The following ATP8A2 variants were observed in gnomAD, a reference collection of about 807,000 sequenced individuals.
The protein encoded by ATP8A2 is phospholipid-transporting ATPase IB.
In ATP8A2, 100 loss-of-function variants were observed where a neutral mutation model predicts 165.6. The ratio of observed to expected loss-of-function variants is 0.60; its 90% CI spans 0.51 to 0.71. ATP8A2 has a LOEUF of 0.71. Among genes scored for constraint, ATP8A2 ranks in the 30% least tolerant of loss-of-function variants. The probability of loss-of-function intolerance (pLI) is 0.00; values close to 1 mark genes in which losing one functional copy is unlikely to be tolerated. For missense variants in ATP8A2, 1,227 were observed against 1,479.5 expected, an observed-to-expected ratio of 0.83 and a Z score of 2.80; for synonymous variants, 543 against 548.8, an observed-to-expected ratio of 0.99 and a Z score of 0.15.
rs1566338679 is a variant in ATP8A2, at chr13:25,997,692, T to C, written c.3378-14839T>C. Among the ~76,000 whole-genome samples the C allele has an allele frequency of 2.0e-5, 3 of 152,318 alleles. No individual in the cohort carries two copies. In the East Asian group the frequency reaches 5.8e-4, roughly 29 times the overall value. On this transcript the variant is annotated intron_variant, in intron 35 of 36. Coordinates refer to ENST00000381655, the MANE Select transcript of ATP8A2 (RefSeq NM_016529.6). Reference sequence around the variant, plus strand: ...TTTTCAGTTCACTAACGATTTCCTCTGTCCCCTGCATTCTGCTGTTGAGCC... The same window carrying C: ...TTTTCAGTTCACTAACGATTTCCTCCGTCCCCTGCATTCTGCTGTTGAGCC...
At chr13:25,919,530 C>T (rs1954378099) in intron 33 of ATP8A2, among the ~76,000 whole-genome samples, 1 of 151,998 alleles carries the variant, frequency 6.6e-6, no homozygotes, top group Non-Finnish European at 1.5e-5. Context: ...CTGCGGGAGC[C>T]TCAGGATTCT....
At chr13:25,532,374 A>C (rs892118956) in intron 5 of ATP8A2, 57 bp downstream of exon 5, 2 of 1,241,150 alleles carry the variant, frequency 1.6e-6, no homozygotes, top group African/African-American at 3.0e-5. Context: ...TAAGGCCTGC[A>C]TTTAAGGAAT....
chr13:25,829,592 C>T (rs1339056446), intron 28 of ATP8A2, among the ~76,000 whole-genome samples: 4 of 148,334 alleles, frequency 2.7e-5, no homozygotes, highest in Non-Finnish European at 5.9e-5. Context: ...CACACAAACA[C>T]ATGCCACATC....
intron 33 of ATP8A2, among the ~76,000 whole-genome samples, chr13:25,921,580 G>A (rs306411): frequency 0.82 from 123,015 of 149,196 alleles, 50,877 homozygotes; most frequent in East Asian, 0.99. Context: ...CCAAGATTGC[G>A]CCATTGCACT....
intron 1 of ATP8A2, among the ~76,000 whole-genome samples, chr13:25,377,026 C>T (rs2032653901): frequency 6.6e-6 from 1 of 152,232 alleles, no homozygotes; most frequent in East Asian, 1.9e-4. Context: ...CTGCGGACGC[C>T]TTCCGTTGTC....
At position 25,379,914 on chromosome 13, in the gene ATP8A2, C is replaced by T. The variant is rs532954768; in HGVS notation, c.76+7626C>T. 2.0e-5 allele frequency among the ~76,000 whole-genome samples: 3 copies of T among 152,204 alleles called. No individual in the cohort carries two copies. In the East Asian group the frequency reaches 5.8e-4, roughly 29 times the overall value. ...AGCTTGGAAATACATTTATTCAACTCGATTGAACTCTTCTACTGTCTGATT... is the reference window on the plus strand; with the variant it reads ...AGCTTGGAAATACATTTATTCAACTTGATTGAACTCTTCTACTGTCTGATT... On this transcript the variant is annotated intron_variant, in intron 1 of 36. Transcript: ENST00000381655.
At chr13:25,615,133 G>T (rs548153198) in intron 24 of ATP8A2, among the ~76,000 whole-genome samples, 1 of 152,174 alleles carries the variant, frequency 6.6e-6, no homozygotes, top group Non-Finnish European at 1.5e-5. Flanking sequence ...GGCTACCAGG[G>T]TGGGTAGAGA....
intron 1 of ATP8A2, among the ~76,000 whole-genome samples, chr13:25,455,388 C>T (rs1466166590): frequency 6.6e-6 from 1 of 152,210 alleles, no homozygotes; most frequent in African/African-American, 2.4e-5. Flanking sequence ...ATACTTGGCT[C>T]ATTTGTAAGT....
rs534028829 is a variant in ATP8A2 at position 25,497,754 on chromosome 13, A to T, written c.221+28633A>T. ...GGCGGATCATGAGGTCAGGAGATGGAGACCATCTGGCTAATACGGTGAAAC... is the reference window on the plus strand; with the variant it reads ...GGCGGATCATGAGGTCAGGAGATGGTGACCATCTGGCTAATACGGTGAAAC... On this transcript the variant is annotated intron_variant, in intron 2 of 36. Coordinates refer to ENST00000381655, the MANE Select transcript of ATP8A2 (RefSeq NM_016529.6). Among the ~76,000 whole-genome samples the T allele has an allele frequency of 1.4e-3, 207 of 152,154 alleles. 1 individual carries two copies. Among genetic ancestry groups the T allele is most frequent in the African/African-American group, 4.2e-3 (174 of 41,506 alleles).
At chr13:25,611,575 A>G (rs772625328) in intron 24 of ATP8A2, among the ~76,000 whole-genome samples, 5 of 152,110 alleles carry the variant, frequency 3.3e-5, no homozygotes, top group Non-Finnish European at 5.9e-5. Context: ...GTTTGCATCT[A>G]TGTTCATCAG....
Position 25,849,941 on chromosome 13 carries a change from T to C in ATP8A2, c.2957-10254T>C, listed in dbSNP as rs145447369. Among the ~76,000 whole-genome samples, 800 of 152,318 alleles carry C rather than the reference T, an allele frequency of 5.3e-3. 6 individuals are homozygous for C. The highest frequency in any genetic ancestry group is 0.018 in the African/African-American group (758 of 41,562). On this transcript the variant is annotated intron_variant, in intron 30 of 36. Coordinates refer to ENST00000381655, the MANE Select transcript of ATP8A2 (RefSeq NM_016529.6). ...GGTTTGTATCACATGCAATCACAGA[T>C]CATTCTAAATGTGACTTAGTATTTT...
intron 25 of ATP8A2, among the ~76,000 whole-genome samples, chr13:25,730,781 A>G (rs994725070): frequency 1.3e-5 from 2 of 151,924 alleles, no homozygotes; most frequent in Non-Finnish European, 2.9e-5. Flanking sequence ...GATTTTTTTT[A>G]AGGAAGGAAT....
chr13:25,978,909 C>T (rs1956120070), intron 35 of ATP8A2, among the ~76,000 whole-genome samples: 1 of 152,006 alleles, frequency 6.6e-6, no homozygotes, highest in Non-Finnish European at 1.5e-5. Flanking sequence ...CACTGCACTC[C>T]AGCCTGGGCG....
chr13:25,849,600 T>C (rs933355429), intron 30 of ATP8A2, among the ~76,000 whole-genome samples: 32 of 152,318 alleles, frequency 2.1e-4, no homozygotes, highest in African/African-American at 7.0e-4. Flanking sequence ...GCAGACAACA[T>C]TTTCGGGCTG....
chr13:25,401,497 A>G (rs2033634876), intron 1 of ATP8A2, among the ~76,000 whole-genome samples: 1 of 151,916 alleles, frequency 6.6e-6, no homozygotes, highest in South Asian at 2.1e-4. Context: ...GTGGCAGCCA[A>G]AAGCTTTTTT....
chr13:25,810,197 T>C (rs1950832558), intron 27 of ATP8A2, among the ~76,000 whole-genome samples: 1 of 152,230 alleles, frequency 6.6e-6, no homozygotes, highest in South Asian at 2.1e-4. Context: ...TCTTACTGTT[T>C]CTGAATTTAC....
chr13:25,687,125 C>T (rs1180754184), intron 24 of ATP8A2, among the ~76,000 whole-genome samples: 2 of 152,134 alleles, frequency 1.3e-5, no homozygotes, highest in African/African-American at 2.4e-5. Flanking sequence ...TGGCCCACAG[C>T]GGCCATGAGC....
intron 25 of ATP8A2, among the ~76,000 whole-genome samples, chr13:25,758,106 G>A (rs2044302729): frequency 6.6e-6 from 1 of 152,190 alleles, no homozygotes; most frequent in Non-Finnish European, 1.5e-5. Flanking sequence ...GCTACCAGGT[G>A]GAGTCAAAAG....
chr13:25,399,224 T>C (rs1451869532), intron 1 of ATP8A2, among the ~76,000 whole-genome samples: 2 of 152,096 alleles, frequency 1.3e-5, no homozygotes, highest in East Asian at 1.9e-4. Context: ...CTTATTAACA[T>C]GCAGGTGGCT....
Sources: allele counts gnomAD v4.1 joint callset (sites outside exome capture counted in the v4.1 genomes callset), GRCh38; gene constraint gnomAD v4.1.1; transcripts MANE v1.5; gene names NCBI Gene and HGNC (gene_info 2026-07-23, HGNC 2026-07-21).